STPG2: variants seen among roughly 807,000 people sequenced by gnomAD.
STPG2 encodes the protein sperm-tail PG-rich repeat-containing protein 2.
STPG2 carries 56 observed loss-of-function variants against 54.2 expected under a neutral mutation model. The observed-to-expected ratio is 1.03, with a 90% confidence interval of 0.83 to 1.29. The LOEUF (loss-of-function observed/expected upper bound fraction) is 1.29, where lower values mean the gene tolerates loss of function less well. STPG2 is among the 50% of genes most tolerant of loss of function. The pLI, the probability that STPG2 is intolerant of heterozygous loss-of-function variation, is 0.00. For missense variants in STPG2, 596 were observed against 544.9 expected (o/e 1.09, Z -0.93); for synonymous variants, 200 against 181.8 (o/e 1.10, Z -0.81).
At chr4:97,919,263 T>C (rs1168642408) in intron 8 of STPG2, among the ~76,000 whole-genome samples, 1 of 151,488 alleles carries the variant, frequency 6.6e-6, no homozygotes, top group African/African-American at 2.4e-5. Flanking sequence ...AGCTGAAAAT[T>C]ATCAATTTAG....
chr4:98,134,130 T>C (rs1439945204), intron 2 of STPG2, among the ~76,000 whole-genome samples: 1 of 151,994 alleles, frequency 6.6e-6, no homozygotes, highest in Admixed American at 6.6e-5. Context: ...AACAATGTTT[T>C]GTGTCTTATA....
intron 9 of STPG2, among the ~76,000 whole-genome samples, chr4:97,742,555 GTGTGTGTGTGTC>G (rs1455724412): frequency 2.4e-4 from 19 of 80,524 alleles, no homozygotes; most frequent in African/African-American, 3.1e-4. Context: ...GTGTGTGTGT[GTGTGTGTGTGTC>G]TATATATATA....
intron 9 of STPG2, among the ~76,000 whole-genome samples, chr4:97,754,360 G>A (rs755485484): frequency 6.6e-5 from 10 of 151,962 alleles, no homozygotes; most frequent in African/African-American, 9.7e-5. Flanking sequence ...TGCCCAATCC[G>A]CTTTTGTTTT....
chr4:97,999,817 G>A (rs546848058), intron 5 of STPG2, among the ~76,000 whole-genome samples: 7 of 152,262 alleles, frequency 4.6e-5, no homozygotes, highest in Admixed American at 3.3e-4. Flanking sequence ...AATTCATGGA[G>A]GTCTGGAGCT....
chr4:98,016,029 G>A (rs1430272996), intron 5 of STPG2, among the ~76,000 whole-genome samples: 3 of 152,146 alleles, frequency 2.0e-5, no homozygotes, highest in Admixed American at 6.5e-5. Context: ...GACACAGGGA[G>A]GGGAACATCA....
intron 9 of STPG2, among the ~76,000 whole-genome samples, chr4:97,721,819 G>C (rs908120426): frequency 6.6e-6 from 1 of 151,944 alleles, no homozygotes; most frequent in African/African-American, 2.4e-5. Flanking sequence ...AACCTAATTA[G>C]GAGACAGTAT....
intron 9 of STPG2, among the ~76,000 whole-genome samples, chr4:97,833,879 G>A (rs1728551770): frequency 6.6e-6 from 1 of 152,162 alleles, no homozygotes; most frequent in African/African-American, 2.4e-5. Flanking sequence ...TGGAGAGGAT[G>A]TGGAGAAATA....
chr4:97,906,164 T>TA (rs1298465207), intron 8 of STPG2, among the ~76,000 whole-genome samples: 3 of 151,852 alleles, frequency 2.0e-5, no homozygotes, highest in Non-Finnish European at 4.4e-5. Context: ...ATAGATGCAA[T>TA]AAAAAATGAT....
At chr4:98,025,645 T>C in intron 5 of STPG2, 1 of 869,900 alleles carries the variant, frequency 1.1e-6, no homozygotes, top group South Asian at 1.3e-5. Context: ...CAAAATATGG[T>C]ATGAAGGATG....
intron 4 of STPG2, among the ~76,000 whole-genome samples, chr4:97,541,126 C>A (rs879006676): frequency 2.6e-5 from 4 of 152,110 alleles, no homozygotes; most frequent in African/African-American, 9.7e-5. Context: ...CCAGGGCAAT[C>A]AGGCAGGAGA....
At chr4:97,464,852 G>A (rs754644703) in intron 4 of STPG2, among the ~76,000 whole-genome samples, 6 of 152,068 alleles carry the variant, frequency 3.9e-5, no homozygotes, top group Non-Finnish European at 5.9e-5. Context: ...TCATATTTAT[G>A]TCCACTCAAT....
intron 1 of STPG2, among the ~76,000 whole-genome samples, chr4:98,136,458 A>T (rs918428024): frequency 5.9e-5 from 9 of 151,692 alleles, no homozygotes; most frequent in Admixed American, 5.3e-4. Context: ...TTATAATAAA[A>T]TGTTGAATAT....
At chr4:98,039,016 TG>T (rs1375412205) in intron 5 of STPG2, among the ~76,000 whole-genome samples, 1 of 152,060 alleles carries the variant, frequency 6.6e-6, no homozygotes, top group Non-Finnish European at 1.5e-5. Context: ...ACAAGAACTC[TG>T]CCCAACGTTA....
chr4:97,495,198 A>G (rs1448227857), intron 4 of STPG2, among the ~76,000 whole-genome samples: 3 of 151,418 alleles, frequency 2.0e-5, no homozygotes, highest in African/African-American at 7.3e-5. Flanking sequence ...TACATAGAAT[A>G]TTTCTTATTC....
At chr4:97,567,550 G>T (rs1022776207) in intron 10 of STPG2, among the ~76,000 whole-genome samples, 1 of 151,304 alleles carries the variant, frequency 6.6e-6, no homozygotes, top group African/African-American at 2.4e-5. Flanking sequence ...TTTGCACAAG[G>T]CTATTAATTT....
At chr4:97,512,589 G>A (rs1006451358) in intron 4 of STPG2, among the ~76,000 whole-genome samples, 1 of 151,800 alleles carries the variant, frequency 6.6e-6, no homozygotes, top group African/African-American at 2.4e-5. Context: ...GAAGAGGAAA[G>A]GGAGGGAAAA....
chr4:97,792,690 A>G (rs1727039473), intron 9 of STPG2, among the ~76,000 whole-genome samples: 1 of 151,896 alleles, frequency 6.6e-6, no homozygotes, highest in Admixed American at 6.6e-5. Flanking sequence ...TATACATTAC[A>G]TGTCTAGGCA....
At chr4:97,929,795 A>G (rs2149217517) in intron 8 of STPG2, among the ~76,000 whole-genome samples, 1 of 152,258 alleles carries the variant, frequency 6.6e-6, no homozygotes. Context: ...AGACGGGTAG[A>G]TTGCAATAAT....
intron 8 of STPG2, among the ~76,000 whole-genome samples, chr4:97,878,560 T>C (rs1730260241): frequency 6.6e-6 from 1 of 152,204 alleles, no homozygotes; most frequent in Non-Finnish European, 1.5e-5. Context: ...GCCCAAGCTG[T>C]ACCTTGCTCC....
Sources: gnomAD v4.1 joint callset for allele counts (sites outside exome capture counted in the v4.1 genomes callset) on GRCh38, gnomAD v4.1.1 for gene constraint, MANE v1.5 for transcripts, NCBI Gene and HGNC (gene_info 2026-07-23, HGNC 2026-07-21) for gene names.